The following SAMD12 variants were observed in gnomAD, a reference collection of about 807,000 sequenced individuals.
SAMD12 encodes the protein sterile alpha motif domain-containing protein 12.
In SAMD12, 9 loss-of-function variants were observed where a neutral mutation model predicts 15.0. The observed-to-expected ratio is 0.60, with a 90% CI of 0.36 to 1.05. The LOEUF is 1.05. Among genes scored for constraint, SAMD12 ranks in the 50% least tolerant of loss-of-function variants. SAMD12 has a pLI of 0.01. For synonymous variants in SAMD12, 86 were observed against 90.1 expected (o/e 0.96, Z 0.25); for missense variants, 230 against 234.2 (o/e 0.98, Z 0.12).
At chr8:118,270,529 G>C (rs1472980160) in intron 4 of SAMD12, among the ~76,000 whole-genome samples, 1 of 152,156 alleles carries the variant, frequency 6.6e-6, no homozygotes, top group Non-Finnish European at 1.5e-5. Context: ...CACAGGGTAT[G>C]ATGGTCTTGA....
At chr8:118,149,233 C>T in the SAMD12 span, among the ~76,000 whole-genome samples, 1 of 152,196 alleles carries the variant, frequency 6.6e-6, no homozygotes, top group African/African-American at 2.4e-5. Context: ...TCCCAAAATG[C>T]TGGGATTACA....
rs181541741 is a variant in SAMD12 at position 118,489,479 on chromosome 8, G to A, written c.193-49518C>T. Among the ~76,000 whole-genome samples, 402 of 152,216 alleles carry A rather than the reference G, an allele frequency of 2.6e-3. 4 individuals are homozygous for A. Among genetic ancestry groups the A allele is most frequent in the African/African-American group, 9.4e-3 (392 of 41,536 alleles). On this transcript the variant is annotated intron_variant, in intron 2 of 3. Transcript: ENST00000314727. ...ATTCTAGTAGAAGGAATCTTCAAAT[G>A]CCAAGAATTTCAGCCTCTAGCCTCC... is the stretch of plus-strand genomic sequence containing the variant.
At chr8:118,560,120 A>C (rs1381850635) in intron 2 of SAMD12, among the ~76,000 whole-genome samples, 1 of 152,206 alleles carries the variant, frequency 6.6e-6, no homozygotes, top group Admixed American at 6.5e-5. Context: ...ATGGAGTCAC[A>C]TGATATTTTG....
chr8:118,283,104 A>G (rs374010677), intron 4 of SAMD12, among the ~76,000 whole-genome samples: 6 of 151,662 alleles, frequency 4.0e-5, no homozygotes, highest in East Asian at 3.9e-4. Context: ...AGGAAAATAC[A>G]TAGTACTTCT....
chr8:118,616,928 G>C (rs1828253599), intron 1 of SAMD12, among the ~76,000 whole-genome samples: 1 of 152,202 alleles, frequency 6.6e-6, no homozygotes, highest in African/African-American at 2.4e-5. Flanking sequence ...TGCCTTATGA[G>C]AATCTAATGC....
At chr8:118,513,167 C>T (rs142332751) in intron 2 of SAMD12, among the ~76,000 whole-genome samples, 67 of 152,264 alleles carry the variant, frequency 4.4e-4, no homozygotes, top group African/African-American at 1.6e-3. Context: ...ATGCACTAGT[C>T]ATTTGATTTT....
the SAMD12 span, among the ~76,000 whole-genome samples, chr8:118,148,679 T>A: frequency 6.6e-6 from 1 of 152,236 alleles, no homozygotes; most frequent in African/African-American, 2.4e-5. Context: ...CATACCTTTG[T>A]GCAGTTAATC....
chr8:118,424,939 A>ATT (rs10570610), intron 3 of SAMD12, among the ~76,000 whole-genome samples: 3 of 138,594 alleles, frequency 2.2e-5, no homozygotes, highest in African/African-American at 2.6e-5. Flanking sequence ...TGGTATATTA[A>ATT]TTTTTTTTTT....
At chr8:118,132,979 T>C in the SAMD12 span, among the ~76,000 whole-genome samples, 1 of 12,010 alleles carries the variant, frequency 8.3e-5, no homozygotes, top group Non-Finnish European at 1.7e-4. Flanking sequence ...TGTGTATATA[T>C]ATATATATAT....
At chr8:118,449,395 A>T (rs561905549) in intron 2 of SAMD12, among the ~76,000 whole-genome samples, 4 of 151,980 alleles carry the variant, frequency 2.6e-5, no homozygotes, top group African/African-American at 9.6e-5. Context: ...AGCCAACTTG[A>T]GCTGTAGGCA....
At chr8:118,242,524 T>C (rs1232853838) in intron 4 of SAMD12, among the ~76,000 whole-genome samples, 1 of 152,172 alleles carries the variant, frequency 6.6e-6, no homozygotes, top group African/African-American at 2.4e-5. Context: ...TTATATTAGT[T>C]GTTGTTAATC....
At chr8:118,415,578 A>G (rs182076502) in intron 3 of SAMD12, among the ~76,000 whole-genome samples, 67 of 152,118 alleles carry the variant, frequency 4.4e-4, no homozygotes, top group African/African-American at 1.5e-3. Flanking sequence ...AATTAATTGA[A>G]AAAGATTTAT....
At chr8:118,281,074 G>C (rs1015756866) in intron 4 of SAMD12, among the ~76,000 whole-genome samples, 3 of 150,452 alleles carry the variant, frequency 2.0e-5, no homozygotes, top group Non-Finnish European at 4.4e-5. Flanking sequence ...ACAGCTAGTT[G>C]TACTAGCAAG....
At chr8:118,548,703 G>A (rs549014550) in intron 2 of SAMD12, among the ~76,000 whole-genome samples, 18 of 152,324 alleles carry the variant, frequency 1.2e-4, no homozygotes, top group African/African-American at 3.4e-4. Flanking sequence ...CGCACCGTGC[G>A]CGAGCCGAAG....
intron 2 of SAMD12, among the ~76,000 whole-genome samples, chr8:118,514,842 G>T (rs986650919): frequency 6.6e-6 from 1 of 152,188 alleles, no homozygotes; most frequent in Non-Finnish European, 1.5e-5. Flanking sequence ...GTTAGTTGCT[G>T]ACATGCTTTG....
At chr8:118,455,118 G>A (rs1823206758) in intron 2 of SAMD12, among the ~76,000 whole-genome samples, 1 of 151,988 alleles carries the variant, frequency 6.6e-6, no homozygotes, top group South Asian at 2.1e-4. Flanking sequence ...CACTGGACAT[G>A]CTCTTGTCAT....
chr8:118,323,814 C>T lies in SAMD12; in HGVS notation c.433+55746G>A, dbSNP rs113230496. 1.0e-3 allele frequency among the ~76,000 whole-genome samples: 152 copies of T among 152,020 alleles called. 1 individual carries two copies. The highest frequency in any genetic ancestry group is 3.6e-3 in the African/African-American group (150 of 41,458). On this transcript the variant is annotated intron_variant, in intron 4 of 4. Coordinates refer to the SAMD12 transcript ENST00000409003. ...CCCTGTAAAATGAGGATAATAGTAG[C>T]GAGATCCTGTCTCAAAAAAAAATCT...
At chr8:118,536,521 G>A (rs941998987) in intron 2 of SAMD12, among the ~76,000 whole-genome samples, 1 of 150,816 alleles carries the variant, frequency 6.6e-6, no homozygotes, top group African/African-American at 2.4e-5. Context: ...TGTACCTTCT[G>A]ATGCGTGTTG....
rs1416823964 is a variant in SAMD12, at chr8:118,469,537, A to G, written c.193-29576T>C. On this transcript the variant is annotated intron_variant, in intron 2 of 3. Coordinates refer to ENST00000314727, the MANE Select transcript of SAMD12 (RefSeq NM_207506.3). ...ATATAATATATATAATATATTATATATATTATATTATTATATATAATATAT... is the reference window on the plus strand; with the variant it reads ...ATATAATATATATAATATATTATATGTATTATATTATTATATATAATATAT... 7.9e-3 allele frequency among the ~76,000 whole-genome samples: 32 copies of G among 4,040 alleles called. 12 individuals carry two copies. Among genetic ancestry groups the G allele is most frequent in the African/African-American group, 0.049 (32 of 656 alleles). 2.7% of individuals were successfully genotyped at this position (4,040 alleles called of 152,430 possible). A position where few individuals can be genotyped will look rare whatever the true frequency, so the allele number is the denominator to read the frequency against.
Sources: allele counts gnomAD v4.1 joint callset (sites outside exome capture counted in the v4.1 genomes callset), GRCh38; gene constraint gnomAD v4.1.1; transcripts MANE v1.5; gene names NCBI Gene and HGNC (gene_info 2026-07-23, HGNC 2026-07-21).